The following DEUP1 variants were observed in gnomAD, a reference collection of about 807,000 sequenced individuals.
DEUP1 encodes the protein coiled-coil domain containing 67.
A neutral mutation model predicts 87.4 loss-of-function variants in DEUP1; 82 were observed. The observed-to-expected ratio is 0.94, with a 90% confidence interval of 0.78 to 1.13. The LOEUF (loss-of-function observed/expected upper bound fraction) is 1.13, where lower values mean the gene tolerates loss of function less well. DEUP1 is among the 50% of genes most tolerant of loss of function. The pLI, the probability that DEUP1 is intolerant of heterozygous loss-of-function variation, is 0.00. For missense variants in DEUP1, 663 were observed against 681.5 expected (o/e 0.97, Z 0.30); for synonymous variants, 214 against 222.7 (o/e 0.96, Z 0.35).
chr11:93,335,552 G>A (rs1423504416), intron 2 of DEUP1, among the ~76,000 whole-genome samples: 1 of 151,908 alleles, frequency 6.6e-6, no homozygotes, highest in Admixed American at 6.6e-5. Context: ...AACAATTTTT[G>A]GTTTACATAT....
At chr11:93,335,769 T>G (rs1050655328) in intron 2 of DEUP1, among the ~76,000 whole-genome samples, 4 of 152,192 alleles carry the variant, frequency 2.6e-5, no homozygotes, top group African/African-American at 9.7e-5. Flanking sequence ...GTTTTCAACC[T>G]TTTTTAGGTC....
At chr11:93,358,842 C>G (rs1378410510) in intron 4 of DEUP1, among the ~76,000 whole-genome samples, 7 of 152,176 alleles carry the variant, frequency 4.6e-5, no homozygotes, top group Admixed American at 4.6e-4. Flanking sequence ...CTCAGCCTCC[C>G]AAAGTGCTGG....
rs146670502 is a variant in DEUP1, at chr11:93,372,527, A to T, written c.789+1247A>T. Among the ~76,000 whole-genome samples the T allele has an allele frequency of 5.9e-5, 9 of 152,258 alleles. No homozygotes were observed. In the East Asian group the frequency reaches 1.7e-3, roughly 29 times the overall value. ...ACTCCTCATTCCCCCACCGTGCCAC[A>T]TCATATTTGGGATTATATAGGGAGT... On this transcript the variant is annotated intron_variant, in intron 7 of 13. Coordinates refer to ENST00000298050, the MANE Select transcript of DEUP1 (RefSeq NM_181645.4).
intron 7 of DEUP1, chr11:93,383,389 C>T (rs559317776): frequency 2.4e-6 from 1 of 421,132 alleles, no homozygotes; most frequent in African/African-American, 2.0e-5. Flanking sequence ...TGTATGACAC[C>T]ATTTGTATGA....
At chr11:93,415,527 A>T (rs1947588422) in intron 13 of DEUP1, among the ~76,000 whole-genome samples, 1 of 151,904 alleles carries the variant, frequency 6.6e-6, no homozygotes, top group South Asian at 2.1e-4. Flanking sequence ...ACAAATCATA[A>T]ATGGACAGCT....
chr11:93,360,710 G>A (rs149740667), intron 4 of DEUP1, among the ~76,000 whole-genome samples: 4 of 151,984 alleles, frequency 2.6e-5, no homozygotes, highest in East Asian at 1.9e-4. Flanking sequence ...GAATCAGCTC[G>A]AAGATAATAC....
rs1159265767 is a variant in DEUP1, at chr11:93,437,643, A to G, written c.1739A>G (p.His580Arg). The G allele has an allele frequency of 6.2e-7, 1 of 1,609,994 alleles. No individual in the cohort carries two copies. Among genetic ancestry groups the G allele is most frequent in the Admixed American group, 1.7e-5 (1 of 60,004 alleles). Residue 580 changes from histidine to arginine, a missense_variant, in exon 14 of 14, where the codon CAT becomes CGT. Transcript: ENST00000298050. ...AKELEKLLNT[H>R]IDELQRHTEF... Reference sequence around the variant, plus strand: ...GAACTTGAAAAACTTCTAAATACACATATTGATGAACTGCAAAGACACACA... The same window carrying G: ...GAACTTGAAAAACTTCTAAATACACGTATTGATGAACTGCAAAGACACACA...
intron 11 of DEUP1, among the ~76,000 whole-genome samples, chr11:93,400,962 A>G (rs1947099241): frequency 6.6e-6 from 1 of 152,104 alleles, no homozygotes; most frequent in South Asian, 2.1e-4. Context: ...TAGGCGAGAG[A>G]AAGACACAAA....
intron 2 of DEUP1, chr11:93,352,593 T>A (rs1944679502): frequency 1.7e-6 from 1 of 591,428 alleles, no homozygotes; most frequent in Admixed American, 2.7e-5. Flanking sequence ...TAGTTTGTTT[T>A]CATGCTGCTG....
chr11:93,367,712 G>T (rs966029837), intron 5 of DEUP1, among the ~76,000 whole-genome samples: 2 of 152,050 alleles, frequency 1.3e-5, no homozygotes, highest in African/African-American at 4.8e-5. Flanking sequence ...ACTGAATTGA[G>T]GGTTGAAAAC....
At chr11:93,352,785 A>G (rs1379155995) in intron 2 of DEUP1, among the ~76,000 whole-genome samples, 2 of 152,128 alleles carry the variant, frequency 1.3e-5, no homozygotes, top group East Asian at 3.9e-4. Context: ...ATCTTGTGAG[A>G]CTTATTCACT....
At chr11:93,366,158 A>AT (rs2134248636) in intron 5 of DEUP1, among the ~76,000 whole-genome samples, 1 of 152,342 alleles carries the variant, frequency 6.6e-6, no homozygotes, top group East Asian at 1.9e-4. Flanking sequence ...ACCTTAAAAT[A>AT]TACCAACAAA....
chr11:93,394,376 A>C, intron 9 of DEUP1, 83 bp from the exon 10 acceptor site: 1 of 983,840 alleles, frequency 1.0e-6, no homozygotes, highest in Non-Finnish European at 1.4e-6. Flanking sequence ...TCAGAATAGA[A>C]GGACTGAACA....
intron 7 of DEUP1, among the ~76,000 whole-genome samples, chr11:93,378,730 A>G (rs1946156406): frequency 6.6e-6 from 1 of 152,054 alleles, no homozygotes; most frequent in African/African-American, 2.4e-5. Context: ...TCTGGGGCTC[A>G]AGGGCTGTTG....
intron 9 of DEUP1, among the ~76,000 whole-genome samples, chr11:93,391,031 G>A (rs550029872): frequency 4.0e-5 from 6 of 148,944 alleles, no homozygotes; most frequent in Non-Finnish European, 5.9e-5. Flanking sequence ...GCAGTGAGCC[G>A]AGATTGCGCC....
At chr11:93,389,256 C>A in intron 9 of DEUP1, 131 bp downstream of exon 9, 1 of 633,268 alleles carries the variant, frequency 1.6e-6, no homozygotes. Context: ...TGATAATCTA[C>A]CAAGCTGCTA....
At chr11:93,390,911 GTCTCTA>G (rs1946745167) in intron 9 of DEUP1, among the ~76,000 whole-genome samples, 1 of 151,900 alleles carries the variant, frequency 6.6e-6, no homozygotes, top group African/African-American at 2.4e-5. Context: ...GTGAAACCCC[GTCTCTA>G]CTAAAAATAC....
chr11:93,420,497 T>G (rs1443201921), intron 13 of DEUP1, among the ~76,000 whole-genome samples: 1 of 150,224 alleles, frequency 6.7e-6, no homozygotes, highest in East Asian at 2.0e-4. Flanking sequence ...CTTTGAAAAC[T>G]GGCACAAGAC....
At chr11:93,365,248 T>C (rs1236442560) in intron 5 of DEUP1, among the ~76,000 whole-genome samples, 1 of 152,160 alleles carries the variant, frequency 6.6e-6, no homozygotes, top group African/African-American at 2.4e-5. Context: ...CGGCTTATTA[T>C]AAGATCTTTG....
Sources: allele counts gnomAD v4.1 joint callset (sites outside exome capture counted in the v4.1 genomes callset), GRCh38; gene constraint gnomAD v4.1.1; transcripts MANE v1.5; gene names NCBI Gene and HGNC (gene_info 2026-07-23, HGNC 2026-07-21).